Variants in PSMA2 observed in about 807,000 individuals in gnomAD.
PSMA2 encodes proteasome subunit alpha type-2.
PSMA2 carries 2 observed loss-of-function variants against 35.9 expected under a neutral mutation model. The observed-to-expected ratio is 0.06, with a 90% CI of 0.02 to 0.18. The LOEUF (loss-of-function observed/expected upper bound fraction) is 0.18. Among genes scored for constraint, PSMA2 ranks in the 10% least tolerant of loss-of-function variants. The pLI, the probability that PSMA2 is intolerant of heterozygous loss-of-function variation, is 1.00. For synonymous variants in PSMA2, 97 were observed against 98.2 expected (o/e 0.99, Z 0.07); for missense variants, 126 against 278.8 (o/e 0.45, Z 3.90).
At chr7:42,921,413 T>C (rs950469370) in intron 6 of PSMA2, 2 of 152,564 alleles carry the variant, frequency 1.3e-5, no homozygotes, top group African/African-American at 2.4e-5. Context: ...AGTGCTCCAC[T>C]TTTTATCAAG....
rs112347813 is a variant in PSMA2, at chr7:42,924,589, A to T, written c.374+86T>A. 12 of 1,312,238 alleles carry T rather than the reference A, an allele frequency of 9.1e-6. No individual in the cohort carries two copies. In the African/African-American group the frequency reaches 1.0e-4, roughly 11 times the overall value. The allele number at this position is 1,312,238 out of a possible 1,614,324, so 81.3% of individuals were successfully genotyped here. On this transcript the variant is annotated intron_variant, in intron 4 of 7. Coordinates refer to ENST00000223321, the MANE Select transcript of PSMA2 (RefSeq NM_002787.5). ...CTTGTTAAGCAAATACAGAAATGGT[A>T]AGTCCCACTCTATTTATATACCTAC...
At chr7:42,929,194 A>C (rs1433151937) in intron 1 of PSMA2, among the ~76,000 whole-genome samples, 3 of 152,216 alleles carry the variant, frequency 2.0e-5, no homozygotes, top group African/African-American at 7.2e-5. Flanking sequence ...TAGACCAATT[A>C]AAGAAACAGA....
Position 42,926,691 on chromosome 7 carries a change from TA to T in PSMA2, c.119-24del, listed in dbSNP as rs757877185. ...CAGCTTAAAAAAAAAGAGAGAGACA[TA>T]AATGTTTAATCATTTTTAAGACTGT... On this transcript the variant is annotated intron_variant, in intron 2 of 7. Transcript: ENST00000223321. 7.1e-5 allele frequency: 112 copies of T among 1,582,432 alleles called. No individual in the cohort carries two copies. In the African/African-American group the frequency reaches 1.3e-3, roughly 19 times the overall value.
intron 4 of PSMA2, among the ~76,000 whole-genome samples, chr7:42,924,353 C>CAAAAAAAA (rs58198756): frequency 2.3e-4 from 16 of 69,418 alleles, no homozygotes; most frequent in African/African-American, 9.2e-4. Context: ...GACTCTGACT[C>CAAAAAAAA]AAAAAAAAAA....
rs575852103 is a variant in PSMA2 at position 42,919,941 on chromosome 7, T to C, written c.530+1917A>G. ...GGCAAACTGTGGTAGGAAAAACATA[T>C]GGCCTTTGGAAATGTGTGCTTCCTG... On this transcript the variant is annotated intron_variant, in intron 6 of 7. Transcript: ENST00000223321. 132 of 752,828 alleles carry C rather than the reference T, an allele frequency of 1.8e-4. No individual in the cohort carries two copies. The African/African-American group carries it at 1.8e-3, about 10-fold the overall frequency. The allele number at this position is 752,828 out of a possible 1,614,324, so 46.6% of individuals were successfully genotyped here.
At chr7:42,919,445 A>G (rs1239010595) in intron 6 of PSMA2, 7 of 543,376 alleles carry the variant, frequency 1.3e-5, no homozygotes, top group South Asian at 5.9e-5. Context: ...AACCCGAAGC[A>G]GAACCTGAGG....
At chr7:42,922,706 T>C (rs1209059863) in intron 5 of PSMA2, among the ~76,000 whole-genome samples, 1 of 152,188 alleles carries the variant, frequency 6.6e-6, no homozygotes, top group African/African-American at 2.4e-5. Flanking sequence ...AAGGTTTGCA[T>C]TGAGTGAACC....
In PSMA2 at chr7:42,921,869, G is replaced by A. The variant is rs1786133987; in HGVS notation, c.519C>T (p.Phe173=). Residue 173 remains phenylalanine (F), a synonymous_variant, in exon 6 of 8, where the codon TTC becomes TTT. Transcript: ENST00000223321. ...MGKNYVNGKT[F]LEKRYNEDLE... is the part of the protein sequence containing the mutation. ...ATGAGTAGGCCTACCTTTTCTCAAG[G>A]AAAGTCTTCCCATTCACATAGTTCT... is the stretch of plus-strand genomic sequence containing the variant. 1 of 1,612,182 alleles carries A rather than the reference G, an allele frequency of 6.2e-7. No individual in the cohort carries two copies. The highest frequency in any genetic ancestry group is 8.5e-7 in the Non-Finnish European group (1 of 1,178,856).
chr7:42,921,933 TA>T lies in PSMA2; in HGVS notation c.457-3del. ...AGCTTTCCAGGCAAAGTAAGCTCCC[TA>T]ATCAGGAAAGAAAGAGTAAAAAACC... On this transcript the variant is annotated splice_polypyrimidine_tract_variant and splice_region_variant and intron_variant, in intron 5 of 7. Transcript: ENST00000223321. The T allele has an allele frequency of 6.2e-7, 1 of 1,608,264 alleles. No individual in the cohort carries two copies. The highest frequency in any genetic ancestry group is 8.5e-7 in the Non-Finnish European group (1 of 1,176,064).
chr7:42,921,958 C>A (rs1412944509), intron 5 of PSMA2, 27 bp from the exon 6 acceptor site: 1 of 1,574,514 alleles, frequency 6.4e-7, no homozygotes, highest in Non-Finnish European at 8.7e-7. Flanking sequence ...GAGTAAAAAA[C>A]CATATTTTAA....
chr7:42,927,467 G>C lies in PSMA2; in HGVS notation c.42-8C>G, dbSNP rs752849987. 10 of 1,612,810 alleles carry C rather than the reference G, an allele frequency of 6.2e-6. No individual in the cohort carries two copies. The highest frequency in any genetic ancestry group is 1.7e-4 in the Middle Eastern group (1 of 6,040). On this transcript the variant is annotated splice_region_variant and splice_polypyrimidine_tract_variant and intron_variant, in intron 1 of 7. Transcript: ENST00000223321. ...ACAAGTTTACCAGACGGGCTTAAAA[G>C]AAACACAGGTATTTGTAAGTTCACA...
At chr7:42,931,989 G>C (rs1271994428) in intron 1 of PSMA2, 129 bp downstream of exon 1, 4 of 1,246,244 alleles carry the variant, frequency 3.2e-6, no homozygotes, top group Non-Finnish European at 4.7e-6. Flanking sequence ...TTGCAAAGCC[G>C]CATTTCCAAC....
intron 5 of PSMA2, among the ~76,000 whole-genome samples, chr7:42,922,852 C>G (rs1268628635): frequency 5.3e-5 from 8 of 152,154 alleles, no homozygotes; most frequent in Admixed American, 5.2e-4. Flanking sequence ...AGATACCATT[C>G]TTCTGCATTA....
intron 1 of PSMA2, 131 bp from the exon 2 acceptor site, chr7:42,927,590 C>T (rs750287836): frequency 1.2e-6 from 1 of 827,470 alleles, no homozygotes. Flanking sequence ...GGCCTTTGAC[C>T]TCTATCATGA....
At chr7:42,925,866 CTT>C (rs991392425) in intron 3 of PSMA2, among the ~76,000 whole-genome samples, 2 of 152,192 alleles carry the variant, frequency 1.3e-5, no homozygotes, top group African/African-American at 4.8e-5. Context: ...TGAAGTGAAA[CTT>C]TGCCTCTACC....
At position 42,917,698 on chromosome 7, in the gene PSMA2, G is replaced by A. The variant is rs746519512; in HGVS notation, c.589-8C>T. 6.2e-7 allele frequency: 1 copy of A among 1,612,428 alleles called. No individual in the cohort carries two copies. Among genetic ancestry groups the A allele is most frequent in the Non-Finnish European group, 8.5e-7 (1 of 1,179,046 alleles). On this transcript the variant is annotated splice_region_variant and splice_polypyrimidine_tract_variant and intron_variant, in intron 7 of 7. Coordinates refer to ENST00000223321, the MANE Select transcript of PSMA2 (RefSeq NM_002787.5). ...TTGCCCTTCAAAGCTTTCCTATTGA[G>A]GAGGGAGGAAAAAAGGTCAATTTTC...
intron 3 of PSMA2, among the ~76,000 whole-genome samples, chr7:42,925,592 T>C (rs1048596473): frequency 4.6e-5 from 7 of 152,156 alleles, no homozygotes; most frequent in Non-Finnish European, 8.8e-5. Context: ...TCTCTTAAAA[T>C]TTTTTTTCAG....
chr7:42,929,411 G>A (rs1786260602), intron 1 of PSMA2, among the ~76,000 whole-genome samples: 1 of 152,148 alleles, frequency 6.6e-6, no homozygotes, highest in Admixed American at 6.5e-5. Context: ...AAAGGCTCAT[G>A]TAAACTTAAT....
Position 42,917,230 on chromosome 7 carries a change from T to TA in PSMA2, c.*343dup, listed in dbSNP as rs1786045566. On this transcript the variant is annotated 3_prime_UTR_variant, in exon 8 of 8. Coordinates refer to ENST00000223321, the MANE Select transcript of PSMA2 (RefSeq NM_002787.5). ...TTTTACCAAAATCAGCATTTTGCTT[T>TA]ATGGAAACACAGGCAACATCTGATA... 1 of 178,828 alleles carries TA rather than the reference T, an allele frequency of 5.6e-6. No individual in the cohort carries two copies. Among genetic ancestry groups the TA allele is most frequent in the South Asian group, 1.3e-4 (1 of 7,596 alleles). The allele number at this position is 178,828 out of a possible 1,614,324, so 11.1% of individuals were successfully genotyped here.
Sources: gnomAD v4.1 joint callset for allele counts (sites outside exome capture counted in the v4.1 genomes callset) on GRCh38, gnomAD v4.1.1 for gene constraint, MANE v1.5 for transcripts, NCBI Gene and HGNC (gene_info 2026-07-23, HGNC 2026-07-21) for gene names.